NMNAT3: variants seen among roughly 807,000 people sequenced by gnomAD.
NMNAT3 encodes the protein nicotinamide/nicotinic acid mononucleotide adenylyltransferase 3.
NMNAT3 carries 21 observed loss-of-function variants against 24.8 expected under a neutral mutation model. The observed-to-expected ratio is 0.85, with a 90% CI of 0.60 to 1.22. The LOEUF is 1.22. Ranked by LOEUF, NMNAT3 falls within the 50% of genes most tolerant of loss-of-function variation. The probability of loss-of-function intolerance (pLI) is 0.00; values close to 1 mark genes in which losing one functional copy is unlikely to be tolerated. For missense variants in NMNAT3, 387 were observed against 436.6 expected (o/e 0.89, Z 1.01); for synonymous variants, 136 against 155.2 (o/e 0.88, Z 0.92).
At chr3:139,614,076 T>G (rs2055366848) in intron 3 of NMNAT3, among the ~76,000 whole-genome samples, 1 of 152,090 alleles carries the variant, frequency 6.6e-6, no homozygotes, top group Non-Finnish European at 1.5e-5. Flanking sequence ...ACATGGCACA[T>G]GTATACATAT....
intron 6 of NMNAT3, chr3:139,567,893 T>C (rs1937507843): frequency 6.6e-6 from 1 of 152,250 alleles, no homozygotes; most frequent in Admixed American, 6.5e-5. Context: ...TTTCTATTGA[T>C]TGCAATAGTT....
chr3:139,639,715 C>T lies in NMNAT3; in HGVS notation c.-140-1653G>A, dbSNP rs75401038. Among the ~76,000 whole-genome samples, 961 of 152,234 alleles carry T rather than the reference C, an allele frequency of 6.3e-3. 11 individuals are homozygous for T. Among genetic ancestry groups the T allele is most frequent in the African/African-American group, 0.022 (925 of 41,528 alleles). On this transcript the variant is annotated intron_variant, in intron 1 of 6. Transcript: ENST00000643695. ...CATGAGTAATAAAGTCTTTTGTCTC[C>T]GAGGGAGAAGTCTCATGTCTTCTGC... is the stretch of plus-strand genomic sequence containing the variant.
At position 139,670,222 on chromosome 3, in the gene NMNAT3, C is replaced by T. The variant is rs150635092; in HGVS notation, c.-141+7483G>A. Among the ~76,000 whole-genome samples, 784 of 152,360 alleles carry T rather than the reference C, an allele frequency of 5.1e-3. 9 individuals carry two copies. Among genetic ancestry groups the T allele is most frequent in the African/African-American group, 0.018 (733 of 41,574 alleles). ...AAAGGGAAGAACAGTACAGCAGACA[C>T]TGTCAGTGCCATGCCCTGAGCCCCA... On this transcript the variant is annotated intron_variant, in intron 1 of 6. Coordinates refer to ENST00000643695, the MANE Select transcript of NMNAT3 (RefSeq NM_001320510.2).
At chr3:139,597,035 G>A (rs948808155) in intron 3 of NMNAT3, among the ~76,000 whole-genome samples, 5 of 147,846 alleles carry the variant, frequency 3.4e-5, no homozygotes, top group Admixed American at 2.7e-4. Context: ...TTGAATCTGG[G>A]CTACCTTACT....
intron 5 of NMNAT3, among the ~76,000 whole-genome samples, chr3:139,574,475 T>A (rs1938985115): frequency 6.6e-6 from 1 of 152,252 alleles, no homozygotes; most frequent in African/African-American, 2.4e-5. Context: ...TAGCAATCTA[T>A]CTTCTGCAAA....
At chr3:139,630,059 C>G (rs1204725547) in intron 2 of NMNAT3, among the ~76,000 whole-genome samples, 1 of 152,112 alleles carries the variant, frequency 6.6e-6, no homozygotes, top group Non-Finnish European at 1.5e-5. Context: ...ATCATGGGCT[C>G]AACAATGACC....
chr3:139,653,511 G>A (rs1016754083), intron 1 of NMNAT3, among the ~76,000 whole-genome samples: 3 of 152,076 alleles, frequency 2.0e-5, no homozygotes, highest in Non-Finnish European at 4.4e-5. Flanking sequence ...AAAGTTATTT[G>A]ACTATATTAG....
At chr3:139,676,207 T>C (rs2108473034) in intron 1 of NMNAT3, among the ~76,000 whole-genome samples, 1 of 152,334 alleles carries the variant, frequency 6.6e-6, no homozygotes, top group East Asian at 1.9e-4. Flanking sequence ...GCCTCTCAGT[T>C]GGTTTTCATG....
intron 1 of NMNAT3, among the ~76,000 whole-genome samples, chr3:139,654,424 T>C (rs1363714619): frequency 6.6e-6 from 1 of 152,230 alleles, no homozygotes; most frequent in Non-Finnish European, 1.5e-5. Flanking sequence ...ACTTGCTTTC[T>C]GAGCTCACAA....
chr3:139,649,002 A>C lies in NMNAT3; in HGVS notation c.-140-10940T>G, dbSNP rs79561764. Among the ~76,000 whole-genome samples the C allele has an allele frequency of 9.2e-5, 14 of 152,338 alleles. 1 individual carries two copies. The East Asian group carries it at 2.5e-3, about 27-fold the overall frequency. Reference sequence around the variant, plus strand: ...GGTACACATCAAATAAGAAGTCATTACTTTCAAAGGAAGGAGTAGGGTTGT... The same window carrying C: ...GGTACACATCAAATAAGAAGTCATTCCTTTCAAAGGAAGGAGTAGGGTTGT... On this transcript the variant is annotated intron_variant, in intron 1 of 6. Transcript: ENST00000643695.
intron 2 of NMNAT3, among the ~76,000 whole-genome samples, chr3:139,633,099 A>C (rs565448201): frequency 1.3e-5 from 2 of 152,062 alleles, no homozygotes; most frequent in East Asian, 3.9e-4. Flanking sequence ...TGTCCCCAGG[A>C]CCTCTAGAAG....
Position 139,561,488 on chromosome 3 carries a change from T to C in NMNAT3, c.659-96A>G, listed in dbSNP as rs572882233. ...AGTCTCACAAAATGCTTTTCTTGGA[T>C]GTATCGAGAACTCAGTGTCTCCATG... On this transcript the variant is annotated intron_variant, in intron 6 of 6. Transcript: ENST00000643695. The C allele has an allele frequency of 1.5e-3, 1,223 of 839,652 alleles. 2 individuals are homozygous for C. The highest frequency in any genetic ancestry group is 1.7e-3 in the Non-Finnish European group (945 of 552,244). 52.0% of individuals were successfully genotyped at this position (839,652 alleles called of 1,614,324 possible). A position where few individuals can be genotyped will look rare whatever the true frequency, so the allele number is the denominator to read the frequency against.
rs79043406 is a variant in NMNAT3, at chr3:139,579,015, G to A, written c.432C>T (p.Asn144=). Residue 144 remains asparagine (N), a synonymous_variant, in exon 5 of 7, where the codon AAC becomes AAT. Coordinates refer to ENST00000643695, the MANE Select transcript of NMNAT3 (RefSeq NM_001320510.2). ...CGAGGTCTTTCTTCCCATAGGTGTCGTTGACAGGAGAGATGATACCCTGGA... is the reference window on the plus strand; with the variant it reads ...CGAGGTCTTTCTTCCCATAGGTGTCATTGACAGGAGAGATGATACCCTGGA... 14,515 of 1,614,086 alleles carry A rather than the reference G, an allele frequency of 9.0e-3. 149 individuals are homozygous for A. Among genetic ancestry groups the A allele is most frequent in the South Asian group, 0.036 (3,241 of 91,040 alleles).
chr3:139,629,060 G>A (rs1251188575), intron 2 of NMNAT3, among the ~76,000 whole-genome samples: 2 of 152,168 alleles, frequency 1.3e-5, no homozygotes, highest in African/African-American at 2.4e-5. Context: ...CATCCCTTAA[G>A]TATAGGCTGA....
rs192395043 is a variant in NMNAT3, at chr3:139,589,711, A to T, written c.110-6503T>A. On this transcript the variant is annotated intron_variant, in intron 3 of 6. Coordinates refer to ENST00000643695, the MANE Select transcript of NMNAT3 (RefSeq NM_001320510.2). ...CATACAAGCTTTGTTGCATAATTTT[A>T]AAAGCCATTTAAAAAATGTAAGCAA... 2.6e-5 allele frequency among the ~76,000 whole-genome samples: 4 copies of T among 152,284 alleles called. No individual in the cohort carries two copies. The East Asian group carries it at 7.7e-4, about 29-fold the overall frequency.
At chr3:139,657,386 C>T (rs1485589200) in intron 1 of NMNAT3, among the ~76,000 whole-genome samples, 1 of 152,186 alleles carries the variant, frequency 6.6e-6, no homozygotes, top group Non-Finnish European at 1.5e-5. Flanking sequence ...AGATCTTTGC[C>T]CAAGCAAAGG....
At position 139,583,034 on chromosome 3, in the gene NMNAT3, C is replaced by A; in HGVS notation, c.284G>T (p.Cys95Phe). ...TTTGCACTTGCTGTCATTCAAATCA[C>A]AGAACGCTTGTTCTTCAGTTCTTTT... The change falls in exon 4 of 7, where the codon TGT becomes TTT. Residue 95 changes from cysteine to phenylalanine, a missense_variant. Cys to Phe is a radical substitution (Grantham distance 205, BLOSUM62 -2). Transcript: ENST00000643695. The A allele has an allele frequency of 1.9e-6, 3 of 1,607,704 alleles. No homozygotes were observed. Among genetic ancestry groups the A allele is most frequent in the Non-Finnish European group, 2.5e-6 (3 of 1,176,638 alleles).
At chr3:139,675,169 C>A (rs2057891280) in intron 1 of NMNAT3, among the ~76,000 whole-genome samples, 1 of 152,090 alleles carries the variant, frequency 6.6e-6, no homozygotes, top group Non-Finnish European at 1.5e-5. Flanking sequence ...CACACGTGCA[C>A]ATATACCATG....
chr3:139,601,966 A>C (rs2054737061), intron 3 of NMNAT3, among the ~76,000 whole-genome samples: 1 of 152,180 alleles, frequency 6.6e-6, no homozygotes, highest in African/African-American at 2.4e-5. Context: ...AATCTTCATA[A>C]CAACTGAAGC....
Sources: gnomAD v4.1 joint callset for allele counts (sites outside exome capture counted in the v4.1 genomes callset) on GRCh38, gnomAD v4.1.1 for gene constraint, MANE v1.5 for transcripts, NCBI Gene and HGNC (gene_info 2026-07-23, HGNC 2026-07-21) for gene names.